Variants in ICA1 observed in about 807,000 individuals in gnomAD.
The protein encoded by ICA1 is islet cell autoantigen 1.
In ICA1, 40 loss-of-function variants were observed where a neutral mutation model predicts 71.0. The observed-to-expected ratio is 0.56, with a 90% CI of 0.44 to 0.73. The LOEUF (loss-of-function observed/expected upper bound fraction) is 0.73. Among genes scored for constraint, ICA1 ranks in the 30% least tolerant of loss-of-function variants. The probability of loss-of-function intolerance (pLI) is 0.00; values close to 1 mark genes in which losing one functional copy is unlikely to be tolerated. For missense variants in ICA1, 578 were observed against 576.5 expected, an observed-to-expected ratio of 1.00 and a Z score of -0.03; for synonymous variants, 207 against 209.5, an observed-to-expected ratio of 0.99 and a Z score of 0.10.
rs561286575 is a variant in ICA1 at position 8,137,630 on chromosome 7, C to T, written c.1060+1210G>A. 5.3e-5 allele frequency among the ~76,000 whole-genome samples: 8 copies of T among 152,312 alleles called. No individual in the cohort carries two copies. In the South Asian group the frequency reaches 1.7e-3, roughly 32 times the overall value. On this transcript the variant is annotated intron_variant, in intron 12 of 13. Coordinates refer to ENST00000402384, the MANE Select transcript of ICA1 (RefSeq NM_001136020.3). ...CATTAACTGCTTATTACTTCCACTACCTGGTATGATTTCAATATTTATAAA... is the reference window on the plus strand; with the variant it reads ...CATTAACTGCTTATTACTTCCACTATCTGGTATGATTTCAATATTTATAAA...
intron 12 of ICA1, among the ~76,000 whole-genome samples, chr7:8,137,026 AAAATT>A (rs1793664259): frequency 6.6e-6 from 1 of 152,172 alleles, no homozygotes; most frequent in South Asian, 2.1e-4. Context: ...CAAGTTAAAA[AAAATT>A]AAATTCTAAA....
chr7:8,113,713 A>G lies in ICA1; in HGVS notation c.*210T>C, dbSNP rs1292651049. 3 of 505,766 alleles carry G rather than the reference A, an allele frequency of 5.9e-6. No homozygotes were observed. The highest frequency in any genetic ancestry group is 1.1e-5 in the Non-Finnish European group (3 of 284,636). The allele number at this position is 505,766 out of a possible 1,614,324, so 31.3% of individuals were successfully genotyped here. ...GGAAACCGCTTCTAGACAATCCTGTATTATTTAGATCCACATAGAGATACA... is the reference window on the plus strand; with the variant it reads ...GGAAACCGCTTCTAGACAATCCTGTGTTATTTAGATCCACATAGAGATACA... On this transcript the variant is annotated 3_prime_UTR_variant, in exon 14 of 14. Transcript: ENST00000402384. This position sits in a 1 kb window ranked among gnomAD's most constrained non-coding sequence, Gnocchi z 4.2.
chr7:8,258,303 T>C (rs1322970523), intron 1 of ICA1, among the ~76,000 whole-genome samples: 2 of 152,202 alleles, frequency 1.3e-5, no homozygotes, highest in Non-Finnish European at 2.9e-5. Flanking sequence ...CCAATGCTTG[T>C]TCAATACTAA....
intron 1 of ICA1, among the ~76,000 whole-genome samples, chr7:8,245,692 C>G (rs930301176): frequency 1.3e-5 from 2 of 151,642 alleles, no homozygotes; most frequent in African/African-American, 4.8e-5. Context: ...AACATATAAC[C>G]AATATAAAAA....
At chr7:8,124,343 C>T (rs1194268749) in intron 13 of ICA1, among the ~76,000 whole-genome samples, 2 of 151,468 alleles carry the variant, frequency 1.3e-5, no homozygotes, top group South Asian at 2.1e-4. Flanking sequence ...ATGGTCTCGA[C>T]CTCTTGACCT....
At chr7:8,206,852 T>C (rs1395035695) in intron 6 of ICA1, among the ~76,000 whole-genome samples, 1 of 152,184 alleles carries the variant, frequency 6.6e-6, no homozygotes, top group African/African-American at 2.4e-5. Flanking sequence ...CATGCATTAA[T>C]CTGTAGACTA....
chr7:8,217,138 A>T (rs1795661398), intron 6 of ICA1, among the ~76,000 whole-genome samples: 1 of 152,216 alleles, frequency 6.6e-6, no homozygotes, highest in Admixed American at 6.5e-5. Context: ...GAGGATCATG[A>T]GCAGCCTTTT....
At chr7:8,192,039 A>G (rs546232619) in intron 6 of ICA1, among the ~76,000 whole-genome samples, 2 of 152,318 alleles carry the variant, frequency 1.3e-5, no homozygotes, top group South Asian at 4.1e-4. Flanking sequence ...AGTAAATTGC[A>G]GACAGAAAGT....
intron 7 of ICA1, 51 bp from the exon 8 acceptor site, chr7:8,157,265 T>G: frequency 6.7e-7 from 1 of 1,498,808 alleles, no homozygotes; most frequent in Non-Finnish European, 9.0e-7. Flanking sequence ...CCAGTTCTAG[T>G]CCTGGTCCCC....
chr7:8,209,837 C>A (rs540165689), intron 6 of ICA1, among the ~76,000 whole-genome samples: 61 of 152,196 alleles, frequency 4.0e-4, no homozygotes, highest in Non-Finnish European at 1.6e-4. Flanking sequence ...ACAGAGCCTG[C>A]AAAGGTCAGA....
rs1790607823 is a variant in ICA1 at position 8,129,436 on chromosome 7, T to C, written c.1061-1294A>G. ...GATCTATTTTCAATCACACTTTACA[T>C]AAAGATCTAAAGATGAAGGGGATTT... On this transcript the variant is annotated intron_variant, in intron 12 of 13. Transcript: ENST00000402384. Among the ~76,000 whole-genome samples, 3 of 151,878 alleles carry C rather than the reference T, an allele frequency of 2.0e-5. No individual in the cohort carries two copies. The South Asian group carries it at 6.3e-4, about 32-fold the overall frequency.
At chr7:8,231,437 G>C (rs1481215366) in intron 3 of ICA1, among the ~76,000 whole-genome samples, 1 of 152,096 alleles carries the variant, frequency 6.6e-6, no homozygotes, top group Non-Finnish European at 1.5e-5. Context: ...ATAAACATTA[G>C]TCATGTTTAT....
chr7:8,204,293 A>G (rs1280091215), intron 6 of ICA1, among the ~76,000 whole-genome samples: 1 of 152,238 alleles, frequency 6.6e-6, no homozygotes, highest in African/African-American at 2.4e-5. Flanking sequence ...AGCCGAGAAG[A>G]GCACTGACTC....
intron 8 of ICA1, among the ~76,000 whole-genome samples, chr7:8,148,865 T>A (rs572924613): frequency 5.9e-5 from 9 of 152,316 alleles, no homozygotes; most frequent in African/African-American, 1.9e-4. Flanking sequence ...GAAAAAATCA[T>A]AACCCCCTTT....
chr7:8,180,600 C>T (rs907438050), intron 6 of ICA1, among the ~76,000 whole-genome samples: 2 of 152,120 alleles, frequency 1.3e-5, no homozygotes, highest in African/African-American at 2.4e-5. Context: ...GTTTACACTC[C>T]GACTATCAGT....
At chr7:8,168,444 A>G (rs554354931) in intron 6 of ICA1, among the ~76,000 whole-genome samples, 1 of 152,286 alleles carries the variant, frequency 6.6e-6, no homozygotes, top group South Asian at 2.1e-4. Context: ...ATCCAGACTC[A>G]GGTGTATTTG....
chr7:8,248,803 A>T (rs1039400804), intron 1 of ICA1, among the ~76,000 whole-genome samples: 1 of 152,212 alleles, frequency 6.6e-6, no homozygotes, highest in Non-Finnish European at 1.5e-5. Flanking sequence ...AAAGTGGTAC[A>T]TTAGAAACAT....
intron 13 of ICA1, among the ~76,000 whole-genome samples, chr7:8,122,953 G>T (rs1468379108): frequency 1.3e-5 from 2 of 152,162 alleles, no homozygotes; most frequent in Admixed American, 6.5e-5. Context: ...AATGGGTACA[G>T]AATTGAGAAC....
intron 6 of ICA1, among the ~76,000 whole-genome samples, chr7:8,176,877 T>C (rs1021218910): frequency 1.3e-5 from 2 of 152,174 alleles, no homozygotes; most frequent in Non-Finnish European, 2.9e-5. Context: ...GAAAGCAGGT[T>C]TCGGAAACAT....
Sources: gnomAD v4.1 joint callset for allele counts (sites outside exome capture counted in the v4.1 genomes callset) on GRCh38, gnomAD v4.1.1 for gene constraint, Gnocchi (gnomAD v3.1) non-coding constraint, MANE v1.5 for transcripts, NCBI Gene and HGNC (gene_info 2026-07-23, HGNC 2026-07-21) for gene names.